KLHDC1: variants seen among roughly 807,000 people sequenced by gnomAD.
The protein encoded by KLHDC1 is kelch domain-containing protein 1.
KLHDC1 carries 53 observed loss-of-function variants against 68.3 expected under a neutral mutation model. That is an observed-to-expected ratio of 0.78 (90% CI 0.62 to 0.98). The LOEUF (loss-of-function observed/expected upper bound fraction) is 0.98, where lower values mean the gene tolerates loss of function less well. KLHDC1 is among the 50% of genes least tolerant of loss of function. The pLI, the probability that KLHDC1 is intolerant of heterozygous loss-of-function variation, is 0.00. For missense variants in KLHDC1, 470 were observed against 492.3 expected, an observed-to-expected ratio of 0.95 and a Z score of 0.43; for synonymous variants, 148 against 159.0, an observed-to-expected ratio of 0.93 and a Z score of 0.52.
chr14:49,732,785 T>A lies in KLHDC1; in HGVS notation c.792T>A (p.Cys264Ter). The A allele has an allele frequency of 6.3e-7, 1 of 1,593,978 alleles. No homozygotes were observed. Among genetic ancestry groups the A allele is most frequent in the East Asian group, 2.2e-5 (1 of 44,716 alleles). ...TAGCTGATGATAAACTTTTCCTATG[T>A]GGTGGACTAAGTGCAGATAATATCC... ...TPIADDKLFL[C>*]GGLSADNIPL... Residue 264 changes from cysteine (C) to a stop codon, truncating the protein, a stop_gained, in exon 9 of 13, where the codon TGT (cysteine) becomes TGA (stop). Transcript: ENST00000359332. LOFTEE classifies it high-confidence loss of function.
At chr14:49,715,163 C>T (rs1888337581) in intron 4 of KLHDC1, among the ~76,000 whole-genome samples, 1 of 149,278 alleles carries the variant, frequency 6.7e-6, no homozygotes, top group Non-Finnish European at 1.5e-5. Flanking sequence ...CATTCTGTCA[C>T]CCAGGCTGGA....
intron 9 of KLHDC1, among the ~76,000 whole-genome samples, chr14:49,734,330 C>A (rs987866499): frequency 6.6e-6 from 1 of 152,010 alleles, no homozygotes; most frequent in Non-Finnish European, 1.5e-5. Flanking sequence ...TCTAGGATTT[C>A]ATTTAGAAAA....
intron 10 of KLHDC1, among the ~76,000 whole-genome samples, chr14:49,736,866 G>T (rs572212814): frequency 6.6e-6 from 1 of 152,176 alleles, no homozygotes; most frequent in Non-Finnish European, 1.5e-5. Context: ...CTCTTTAGGG[G>T]ACAAATTGCC....
Position 49,710,377 on chromosome 14 carries a change from G to A in KLHDC1, c.400G>A (p.Asp134Asn), listed in dbSNP as rs201623858. 4 of 1,524,112 alleles carry A rather than the reference G, an allele frequency of 2.6e-6. No individual in the cohort carries two copies. Among genetic ancestry groups the A allele is most frequent in the African/African-American group, 1.4e-5 (1 of 72,886 alleles). The allele number at this position is 1,524,112 out of a possible 1,614,324, so 94.4% of individuals were successfully genotyped here. Residue 134 changes from aspartate (D) to asparagine (N), a missense_variant, in exon 4 of 13, where the codon GAC becomes AAC. By Grantham distance (23) the Asp-to-Asn change is conservative. Coordinates refer to ENST00000359332, the MANE Select transcript of KLHDC1 (RefSeq NM_172193.3). ...TAAACTTTCCTGCTGGGTATATAAA[G>A]ACAGGTAATGCAGCAGTTGCACTTA... Reference protein sequence around the residue: ...RDKLSCWVYKDRLIYFGGYGC... With the variant: ...RDKLSCWVYKNRLIYFGGYGC...
At chr14:49,716,255 C>T (rs187111881) in intron 4 of KLHDC1, among the ~76,000 whole-genome samples, 1 of 152,166 alleles carries the variant, frequency 6.6e-6, no homozygotes, top group Admixed American at 6.5e-5. Context: ...GTTAATCTAC[C>T]CTGTAAAGTA....
At chr14:49,693,742 CTTTTTCTTTTTT>C (rs1887644232) in intron 1 of KLHDC1, among the ~76,000 whole-genome samples, 1 of 60,926 alleles carries the variant, frequency 1.6e-5, no homozygotes, top group East Asian at 7.6e-4. Flanking sequence ...ATTTTCTTTT[CTTTTTCTTTTTT>C]TTTTTTTTTT....
At chr14:49,713,871 G>T (rs1888297588) in intron 4 of KLHDC1, among the ~76,000 whole-genome samples, 17 of 42,206 alleles carry the variant, frequency 4.0e-4, no homozygotes, top group South Asian at 1.0e-3. Context: ...TTTTTTTCCT[G>T]AGACAGAGTC....
chr14:49,748,410 A>C (rs1889247859), intron 12 of KLHDC1, among the ~76,000 whole-genome samples: 1 of 152,190 alleles, frequency 6.6e-6, no homozygotes, highest in African/African-American at 2.4e-5. Context: ...TAGATTTCAG[A>C]AAGTCAGAGG....
chr14:49,728,906 G>C lies in KLHDC1; in HGVS notation c.568-20G>C. On this transcript the variant is annotated intron_variant, in intron 6 of 12. Transcript: ENST00000359332. The stretch of plus-strand genomic sequence containing the variant: ...CAGATATTTCAAGTCTTTGCAGTCT[G>C]TTCTGATTTCTACTTGCAGGGTGGA... 1 of 1,558,506 alleles carries C rather than the reference G, an allele frequency of 6.4e-7. No individual in the cohort carries two copies. Among genetic ancestry groups the C allele is most frequent in the Non-Finnish European group, 8.9e-7 (1 of 1,129,200 alleles).
chr14:49,737,695 T>C (rs1440751991), intron 10 of KLHDC1, among the ~76,000 whole-genome samples: 4 of 146,652 alleles, frequency 2.7e-5, no homozygotes. Flanking sequence ...TGAAACCCCA[T>C]CTCTGAAAAA....
Position 49,745,396 on chromosome 14 carries a change from G to A in KLHDC1, c.1034+1591G>A, listed in dbSNP as rs138019864. On this transcript the variant is annotated intron_variant, in intron 12 of 12. Transcript: ENST00000359332. ...ACTTTGGATTGCAAGTTCCTCATAT[G>A]CAGGGATCAAGAAACACTTGAGTGC... Among the ~76,000 whole-genome samples, 13 of 152,278 alleles carry A rather than the reference G, an allele frequency of 8.5e-5. 1 individual carries two copies. The East Asian group carries it at 2.5e-3, about 29-fold the overall frequency.
intron 2 of KLHDC1, 110 bp downstream of exon 2, chr14:49,709,339 A>C (rs529006619): frequency 1.3e-4 from 72 of 544,752 alleles, no homozygotes; most frequent in Admixed American, 2.6e-4. Context: ...ACATTTTTGA[A>C]GTCTCCCTTT....
intron 6 of KLHDC1, among the ~76,000 whole-genome samples, chr14:49,727,301 A>C (rs972255988): frequency 1.3e-5 from 2 of 152,050 alleles, no homozygotes; most frequent in African/African-American, 4.8e-5. Context: ...CTACTTGGGC[A>C]TGTTCCTACC....
chr14:49,749,922 G>A (rs750066005), intron 12 of KLHDC1, among the ~76,000 whole-genome samples: 1 of 151,980 alleles, frequency 6.6e-6, no homozygotes, highest in Admixed American at 6.6e-5. Context: ...GCCAGGCGTG[G>A]TGTGGCACAC....
chr14:49,747,075 T>C (rs1270183962), intron 12 of KLHDC1, among the ~76,000 whole-genome samples: 1 of 151,632 alleles, frequency 6.6e-6, no homozygotes, highest in African/African-American at 2.4e-5. Context: ...GCCTCCCGAG[T>C]AGCTGGGACC....
rs376669040 is a variant in KLHDC1, at chr14:49,740,531, G to C, written c.981+349G>C. ...TTTTTGTATTTTTAGTAGAGAGACG[G>C]GGTTTCACCGTGTTAGCCAAGATGG... On this transcript the variant is annotated intron_variant, in intron 11 of 12. Transcript: ENST00000359332. Among the ~76,000 whole-genome samples, 748 of 152,080 alleles carry C rather than the reference G, an allele frequency of 4.9e-3. 3 individuals are homozygous for C. Among genetic ancestry groups the C allele is most frequent in the African/African-American group, 0.016 (651 of 41,490 alleles).
At chr14:49,736,597 T>A (rs577747725) in intron 10 of KLHDC1, among the ~76,000 whole-genome samples, 1 of 152,308 alleles carries the variant, frequency 6.6e-6, no homozygotes, top group Non-Finnish European at 1.5e-5. Context: ...CTAAGATCTA[T>A]AAGCATTTTG....
At chr14:49,711,379 A>G (rs1888195829) in intron 4 of KLHDC1, among the ~76,000 whole-genome samples, 1 of 151,450 alleles carries the variant, frequency 6.6e-6, no homozygotes, top group Admixed American at 6.6e-5. Context: ...TTTTTTTTGT[A>G]TTTTTATTAG....
Position 49,753,033 on chromosome 14 carries a change from T to G in KLHDC1, c.*1261T>G, listed in dbSNP as rs1468108970. The G allele has an allele frequency of 3.3e-5, 5 of 152,242 alleles. No homozygotes were observed. The highest frequency in any genetic ancestry group is 2.1e-4 in the South Asian group (1 of 4,824). 9.4% of individuals were successfully genotyped at this position (152,242 alleles called of 1,614,324 possible). A position where few individuals can be genotyped will look rare whatever the true frequency, so the allele number is the denominator to read the frequency against. ...ATATATGTACTGTATTTTGGATGTGTAAAGCTTCTATGTATTGAAATATTT... is the reference window on the plus strand; with the variant it reads ...ATATATGTACTGTATTTTGGATGTGGAAAGCTTCTATGTATTGAAATATTT... On this transcript the variant is annotated 3_prime_UTR_variant, in exon 13 of 13. Coordinates refer to ENST00000359332, the MANE Select transcript of KLHDC1 (RefSeq NM_172193.3).
Sources: allele counts gnomAD v4.1 joint callset (sites outside exome capture counted in the v4.1 genomes callset), GRCh38; gene constraint gnomAD v4.1.1; transcripts MANE v1.5; gene names NCBI Gene and HGNC (gene_info 2026-07-23, HGNC 2026-07-21).